The following KCTD16 variants were observed in gnomAD, a reference collection of about 807,000 sequenced individuals.
KCTD16 encodes the protein BTB/POZ domain-containing protein KCTD16.
A neutral mutation model predicts 33.2 loss-of-function variants in KCTD16; 13 were observed. That is an observed-to-expected ratio of 0.39 (90% CI 0.25 to 0.62). The LOEUF is 0.62. Ranked by LOEUF, KCTD16 falls within the 20% of genes least tolerant of loss-of-function variation. The pLI is 0.50. For synonymous variants in KCTD16, 197 were observed against 195.3 expected (o/e 1.01, Z -0.07); for missense variants, 441 against 525.1 (o/e 0.84, Z 1.57).
At chr5:144,460,168 C>G (rs1754163206) in intron 3 of KCTD16, among the ~76,000 whole-genome samples, 1 of 152,092 alleles carries the variant, frequency 6.6e-6, no homozygotes, top group Non-Finnish European at 1.5e-5. Context: ...TTTGATCATT[C>G]AAGCCATGCA....
chr5:144,340,128 T>C (rs1452136268), intron 3 of KCTD16, among the ~76,000 whole-genome samples: 1 of 152,032 alleles, frequency 6.6e-6, no homozygotes, highest in Non-Finnish European at 1.5e-5. Flanking sequence ...AAAATCATGA[T>C]CTGAGGCCAG....
At chr5:144,201,762 C>G (rs1753048789) in intron 2 of KCTD16, among the ~76,000 whole-genome samples, 1 of 152,188 alleles carries the variant, frequency 6.6e-6, no homozygotes, top group African/African-American at 2.4e-5. Context: ...CCATAAACAG[C>G]AGCTATTAAG....
intron 3 of KCTD16, among the ~76,000 whole-genome samples, chr5:144,260,522 C>T (rs1457736933): frequency 6.6e-6 from 1 of 152,164 alleles, no homozygotes; most frequent in East Asian, 1.9e-4. Flanking sequence ...GAGCTTCAGT[C>T]CTCTTCAAGG....
At chr5:144,286,541 C>A (rs1755750842) in intron 3 of KCTD16, among the ~76,000 whole-genome samples, 1 of 152,172 alleles carries the variant, frequency 6.6e-6, no homozygotes, top group Admixed American at 6.5e-5. Context: ...CCATGACCCA[C>A]CTGCTGTGAG....
At chr5:144,277,353 G>T (rs13357117) in intron 3 of KCTD16, among the ~76,000 whole-genome samples, 35,467 of 152,044 alleles carry the variant, frequency 0.23, 4,379 homozygotes, top group Non-Finnish European at 0.28. Context: ...TCACAATCTT[G>T]GCTGAAGAAA....
intron 2 of KCTD16, among the ~76,000 whole-genome samples, chr5:144,186,381 A>T (rs916232365): frequency 9.3e-5 from 14 of 150,386 alleles, no homozygotes; most frequent in Admixed American, 3.3e-4. Context: ...AAAAAAACTA[A>T]TGGCTTATTG....
At chr5:144,378,580 T>C (rs1366433265) in intron 3 of KCTD16, among the ~76,000 whole-genome samples, 1 of 152,202 alleles carries the variant, frequency 6.6e-6, no homozygotes, top group African/African-American at 2.4e-5. Flanking sequence ...TACTTCTTTT[T>C]TGAACAGTTT....
chr5:144,365,891 G>A (rs778039765), intron 3 of KCTD16, among the ~76,000 whole-genome samples: 1 of 152,122 alleles, frequency 6.6e-6, no homozygotes, highest in Non-Finnish European at 1.5e-5. Context: ...AGAAATGTGT[G>A]ACTATTATTC....
chr5:144,391,025 A>G (rs1752437913), intron 3 of KCTD16, among the ~76,000 whole-genome samples: 1 of 151,908 alleles, frequency 6.6e-6, no homozygotes, highest in Non-Finnish European at 1.5e-5. Flanking sequence ...GCCACAACCA[A>G]TTGCTGCTCA....
At chr5:144,342,420 G>A (rs1427740890) in intron 3 of KCTD16, among the ~76,000 whole-genome samples, 1 of 152,166 alleles carries the variant, frequency 6.6e-6, no homozygotes, top group African/African-American at 2.4e-5. Context: ...TTTGTACATT[G>A]ATTTTGTATC....
chr5:144,366,179 GGT>G, intron 3 of KCTD16, among the ~76,000 whole-genome samples: 1 of 152,118 alleles, frequency 6.6e-6, no homozygotes, highest in East Asian at 1.9e-4. Context: ...GTGTTATTAT[GGT>G]TGCTGTTAGT....
chr5:144,306,921 C>T (rs190416325), intron 3 of KCTD16, among the ~76,000 whole-genome samples: 4 of 152,272 alleles, frequency 2.6e-5, no homozygotes, highest in Admixed American at 2.0e-4. Context: ...CATACCAGAA[C>T]CAAAGAAAAA....
chr5:144,365,356 ATATT>A (rs1274710337), intron 3 of KCTD16, among the ~76,000 whole-genome samples: 5 of 152,102 alleles, frequency 3.3e-5, no homozygotes, highest in Non-Finnish European at 5.9e-5. Flanking sequence ...TATTTAAATA[ATATT>A]TATTTATTTA....
chr5:144,401,374 G>A (rs1214467459), intron 3 of KCTD16, among the ~76,000 whole-genome samples: 1 of 152,138 alleles, frequency 6.6e-6, no homozygotes, highest in Non-Finnish European at 1.5e-5. Context: ...ATTCCAACTG[G>A]TGTAGGAGTG....
In KCTD16 at chr5:144,184,890, A is replaced by T. The variant is rs6895978; in HGVS notation, c.-327+10418A>T. ...TTAATCAGTTACTTCCTCTGTCTAC[A>T]GAAAAATTTTAGTTAGCAACATGGT... is the stretch of plus-strand genomic sequence containing the variant. On this transcript the variant is annotated intron_variant, in intron 2 of 3. Transcript: ENST00000512467. 4.1e-3 allele frequency among the ~76,000 whole-genome samples: 596 copies of T among 146,538 alleles called. 5 individuals are homozygous for T. The highest frequency in any genetic ancestry group is 0.013 in the African/African-American group (542 of 40,490).
intron 3 of KCTD16, among the ~76,000 whole-genome samples, chr5:144,259,453 A>G (rs1450415520): frequency 6.6e-6 from 1 of 152,094 alleles, no homozygotes; most frequent in Admixed American, 6.5e-5. Context: ...AATGTATGGC[A>G]TTCGAAAACA....
rs1033150893 is a variant in KCTD16 at position 144,482,571 on chromosome 5, G to A, written c.*8457G>A. ...CAGTCTCAGGTTTTTATTCAAGACA[G>A]GTCAAAAGCCCAAATGTGATTAACT... On this transcript the variant is annotated 3_prime_UTR_variant, in exon 4 of 4. Coordinates refer to ENST00000512467, the MANE Select transcript of KCTD16 (RefSeq NM_020768.4). 1.3e-5 allele frequency: 2 copies of A among 151,790 alleles called. No individual in the cohort carries two copies. Among genetic ancestry groups the A allele is most frequent in the Non-Finnish European group, 2.9e-5 (2 of 67,884 alleles). The allele number at this position is 151,790 out of a possible 1,614,324, so 9.4% of individuals were successfully genotyped here. A position where few individuals can be genotyped will look rare whatever the true frequency, so the allele number is the denominator to read the frequency against.
chr5:144,473,920 T>A lies in KCTD16; in HGVS notation c.1093T>A (p.Leu365Ile). Residue 365 changes from leucine (L) to isoleucine (I), a missense_variant, in exon 4 of 4, where the codon TTA (leucine) becomes ATA (isoleucine). Around this residue, in one of 3 missense-constraint regions of KCTD16, gnomAD observed 355 missense variants for 413.0 expected, o/e 0.86. Transcript: ENST00000512467. ...QQSEMRRKSD[L>I]LRTLTSGSRE... ...GTCAGAGATGCGGCGGAAAAGCGAC[T>A]TACTCCGGACTCTGACTTCAGGCTC... The A allele has an allele frequency of 6.2e-7, 1 of 1,613,966 alleles. No homozygotes were observed. The highest frequency in any genetic ancestry group is 8.5e-7 in the Non-Finnish European group (1 of 1,179,982).
intron 3 of KCTD16, among the ~76,000 whole-genome samples, chr5:144,263,271 G>C (rs1368414748): frequency 6.6e-6 from 1 of 152,194 alleles, no homozygotes; most frequent in African/African-American, 2.4e-5. Flanking sequence ...GGAGATGTTT[G>C]TTGGTGGCAA....
Sources: gnomAD v4.1 joint callset for allele counts (sites outside exome capture counted in the v4.1 genomes callset) on GRCh38, gnomAD v4.1.1 for gene constraint, gnomAD v4.1.1 regional missense constraint, MANE v1.5 for transcripts, NCBI Gene and HGNC (gene_info 2026-07-23, HGNC 2026-07-21) for gene names.